CFAP69: variants seen among roughly 807,000 people sequenced by gnomAD.
CFAP69 encodes the protein cilia and flagella associated protein 69.
CFAP69 carries 92 observed loss-of-function variants against 123.0 expected under a neutral mutation model. The ratio of observed to expected loss-of-function variants is 0.75; its 90% CI spans 0.63 to 0.89. The LOEUF (loss-of-function observed/expected upper bound fraction) is 0.89, where lower values mean the gene tolerates loss of function less well. CFAP69 is among the 40% of genes least tolerant of loss of function. The pLI is 0.00. For synonymous variants in CFAP69, 380 were observed against 364.3 expected (o/e 1.04, Z -0.49); for missense variants, 1,067 against 1,096.9 (o/e 0.97, Z 0.39).
At chr7:90,313,291 A>G (rs75504821), downstream of CFAP69, among the ~76,000 whole-genome samples, 1 of 152,318 alleles carries the variant, frequency 6.6e-6, no homozygotes, top group Admixed American at 6.5e-5. Context: ...TCTCATTTTT[A>G]CACACATTCT....
chr7:90,289,026 T>G (rs1303208621), intron 15 of CFAP69, among the ~76,000 whole-genome samples: 3 of 152,036 alleles, frequency 2.0e-5, no homozygotes, highest in Non-Finnish European at 4.4e-5. Flanking sequence ...AAGTTTCTTC[T>G]GTTTTTAAAA....
chr7:90,248,268 C>CTTACTTTTAATT (rs1443888545), intron 1 of CFAP69, among the ~76,000 whole-genome samples: 1 of 152,210 alleles, frequency 6.6e-6, no homozygotes, highest in Admixed American at 6.5e-5. Context: ...TTGAACCTTT[C>CTTACTTTTAATT]AGTTACCCTA....
the CFAP69 span, among the ~76,000 whole-genome samples, chr7:90,323,589 A>T: frequency 2.0e-3 from 307 of 152,354 alleles, no homozygotes; most frequent in Middle Eastern, 3.4e-3. Context: ...AGATTGACAA[A>T]TAAAAAATTA....
downstream of CFAP69, among the ~76,000 whole-genome samples, chr7:90,312,099 T>C (rs959954699): frequency 3.3e-5 from 5 of 152,208 alleles, no homozygotes; most frequent in Non-Finnish European, 5.9e-5. Flanking sequence ...CATTAATTAT[T>C]GTACTTAGTA....
Position 90,245,501 on chromosome 7 carries a change from A to G in CFAP69, c.77A>G (p.Gln26Arg). 2.0e-6 allele frequency: 3 copies of G among 1,533,220 alleles called. No homozygotes were observed. The highest frequency in any genetic ancestry group is 1.4e-5 in the African/African-American group (1 of 69,530). 95.0% of individuals were successfully genotyped at this position (1,533,220 alleles called of 1,614,324 possible). ...AGGAACAAGTCTAGCAGTTCCAGTCAAATCCCGGTGGTTGGGGTGGTGACG... is the reference window on the plus strand; with the variant it reads ...AGGAACAAGTCTAGCAGTTCCAGTCGAATCCCGGTGGTTGGGGTGGTGACG... Reference protein sequence around the residue: ...GIRNKSSSSSQIPVVGVVTED... With the variant: ...GIRNKSSSSSRIPVVGVVTED... Residue 26 changes from glutamine to arginine, a missense_variant, in exon 1 of 23, where the codon CAA becomes CGA. Gln to Arg is a conservative substitution (Grantham distance 43). Transcript: ENST00000389297.
chr7:90,282,767 A>G, intron 12 of CFAP69, 125 bp from the exon 13 acceptor site: 1 of 735,066 alleles, frequency 1.4e-6, no homozygotes, highest in East Asian at 3.4e-5. Context: ...TTCTCTAAAA[A>G]AAAACTAAAG....
chr7:90,284,528 G>A (rs536837353), intron 13 of CFAP69, among the ~76,000 whole-genome samples: 2 of 152,274 alleles, frequency 1.3e-5, no homozygotes, highest in Non-Finnish European at 2.9e-5. Context: ...TGAGAAAATA[G>A]AAACTACATG....
chr7:90,277,331 A>T lies in CFAP69; in HGVS notation c.1152A>T (p.Val384=). Residue 384 remains valine (V), a synonymous_variant, in exon 11 of 23, where the codon GTA becomes GTT. Transcript: ENST00000389297. ...IVILCKDLPT[V]QLLIDGKVIL... ...TCTTATGTAAAGATTTACCTACTGT[A>T]CAGGTAAAGAGTAATCAAGGCAGGA... 6.5e-7 allele frequency: 1 copy of T among 1,545,334 alleles called. No individual in the cohort carries two copies. Among genetic ancestry groups the T allele is most frequent in the Non-Finnish European group, 8.7e-7 (1 of 1,150,524 alleles).
chr7:90,304,860 TA>T, intron 19 of CFAP69, 40 bp downstream of exon 19: 1 of 1,209,142 alleles, frequency 8.3e-7, no homozygotes, highest in Non-Finnish European at 1.2e-6. Context: ...AAAATCTAGA[TA>T]GCAAAAAATT....
intron 4 of CFAP69, 133 bp from the exon 5 acceptor site, chr7:90,265,168 A>G (rs781106305): frequency 1.9e-6 from 1 of 531,964 alleles, no homozygotes. Flanking sequence ...ATAATTGTCA[A>G]TCCCCAGGGC....
At position 90,274,108 on chromosome 7, in the gene CFAP69, A is replaced by G. The variant is rs1303859889; in HGVS notation, c.982A>G (p.Ile328Val). The change falls in exon 9 of 23, where the codon ATT becomes GTT. Residue 328 changes from isoleucine to valine, a missense_variant and splice_region_variant. Transcript: ENST00000389297. ...AGCTCAAAATCCTGAAGCACCAATGATTGTAAGTATGAATCAAATTGCATT... is the reference window on the plus strand; with the variant it reads ...AGCTCAAAATCCTGAAGCACCAATGGTTGTAAGTATGAATCAAATTGCATT... ...IIAQNPEAPM[I>V]ECGFTKDLIL... 1 of 1,593,224 alleles carries G rather than the reference A, an allele frequency of 6.3e-7. No homozygotes were observed. The highest frequency in any genetic ancestry group is 8.5e-7 in the Non-Finnish European group (1 of 1,173,552).
rs1204817444 is a variant in CFAP69, at chr7:90,271,816, G to T, written c.718G>T (p.Ala240Ser). 6.3e-7 allele frequency: 1 copy of T among 1,587,092 alleles called. No homozygotes were observed. The highest frequency in any genetic ancestry group is 8.6e-7 in the Non-Finnish European group (1 of 1,165,970). ...NCTIMMKAQA[A>S]SGICTHLNDP... ...TACTATAATGATGAAAGCACAAGCA[G>T]CCAGTGGAATCTGTACTCACCTCAA... is the stretch of plus-strand genomic sequence containing the variant. The change falls in exon 8 of 23, where the codon GCC becomes TCC. Residue 240 changes from alanine (A) to serine (S), a missense_variant. Transcript: ENST00000389297.
At chr7:90,261,461 T>C (rs945879112) in intron 3 of CFAP69, among the ~76,000 whole-genome samples, 2 of 152,176 alleles carry the variant, frequency 1.3e-5, no homozygotes, top group Non-Finnish European at 2.9e-5. Context: ...TCCTAACCAA[T>C]TTAAGCCTTA....
At chr7:90,249,492 A>G (rs1796711359) in intron 1 of CFAP69, among the ~76,000 whole-genome samples, 1 of 152,168 alleles carries the variant, frequency 6.6e-6, no homozygotes, top group Non-Finnish European at 1.5e-5. Context: ...TCTAGTATTA[A>G]TCCCAGTGTT....
At chr7:90,306,134 T>A in intron 19 of CFAP69, among the ~76,000 whole-genome samples, 1 of 147,064 alleles carries the variant, frequency 6.8e-6, no homozygotes, top group Admixed American at 6.7e-5. Flanking sequence ...CGGGGCGGGG[T>A]AGAGACAAGG....
chr7:90,303,944 T>A, intron 17 of CFAP69, 25 bp from the exon 18 acceptor site: 1 of 1,532,426 alleles, frequency 6.5e-7, no homozygotes, highest in South Asian at 1.3e-5. Flanking sequence ...GTCCCTTTTC[T>A]ATTTTCATGC....
intron 1 of CFAP69, among the ~76,000 whole-genome samples, chr7:90,254,598 G>A: frequency 6.6e-6 from 1 of 152,098 alleles, no homozygotes; most frequent in East Asian, 1.9e-4. Flanking sequence ...TAAACTTAGG[G>A]TGCTATGAGA....
rs756183262 is a variant in CFAP69 at position 90,300,074 on chromosome 7, A to G, written c.2050+15A>G. 3 of 1,524,808 alleles carry G rather than the reference A, an allele frequency of 2.0e-6. No individual in the cohort carries two copies. Among genetic ancestry groups the G allele is most frequent in the Non-Finnish European group, 2.6e-6 (3 of 1,133,070 alleles). The allele number at this position is 1,524,808 out of a possible 1,614,324, so 94.5% of individuals were successfully genotyped here. A position where few individuals can be genotyped will look rare whatever the true frequency, so the allele number is the denominator to read the frequency against. On this transcript the variant is annotated intron_variant, in intron 17 of 22. Coordinates refer to ENST00000389297, the MANE Select transcript of CFAP69 (RefSeq NM_001039706.3). ...GAAGATCATTGGTGAGTATATTTATAATTGTTAGTAGAAGCAATTAATGTA... is the reference window on the plus strand; with the variant it reads ...GAAGATCATTGGTGAGTATATTTATGATTGTTAGTAGAAGCAATTAATGTA...
intron 9 of CFAP69, among the ~76,000 whole-genome samples, chr7:90,276,843 A>C (rs17869709): frequency 6.8e-6 from 1 of 146,368 alleles, no homozygotes; most frequent in Non-Finnish European, 1.5e-5. Flanking sequence ...GAACCTACAG[A>C]AGTAAGTTTA....
Sources: gnomAD v4.1 joint callset for allele counts (sites outside exome capture counted in the v4.1 genomes callset) on GRCh38, gnomAD v4.1.1 for gene constraint, MANE v1.5 for transcripts, NCBI Gene and HGNC (gene_info 2026-07-23, HGNC 2026-07-21) for gene names.